The following TBC1D2B variants were observed in gnomAD, a reference collection of about 807,000 sequenced individuals.
TBC1D2B encodes TBC1 domain family member 2B.
TBC1D2B carries 64 observed loss-of-function variants against 100.8 expected under a neutral mutation model. The observed-to-expected ratio is 0.64, with a 90% confidence interval of 0.52 to 0.78. The LOEUF is 0.78. Ranked by LOEUF, TBC1D2B falls within the 30% of genes least tolerant of loss-of-function variation. The pLI is 0.00. For synonymous variants in TBC1D2B, 480 were observed against 479.7 expected, an observed-to-expected ratio of 1.00 and a Z score of -0.01; for missense variants, 1,052 against 1,218.4, an observed-to-expected ratio of 0.86 and a Z score of 2.03.
intron 4 of TBC1D2B, among the ~76,000 whole-genome samples, chr15:78,027,295 C>T (rs2072696165): frequency 6.6e-6 from 1 of 152,148 alleles, no homozygotes; most frequent in Admixed American, 6.5e-5. Context: ...GCATCGTCCT[C>T]CTTCTTGAAG....
intron 1 of TBC1D2B, among the ~76,000 whole-genome samples, chr15:78,062,970 G>A (rs575201058): frequency 1.3e-5 from 2 of 152,124 alleles, no homozygotes; most frequent in Admixed American, 1.3e-4. Context: ...TCTGGGCCTC[G>A]GATTCCTTGC....
intron 1 of TBC1D2B, among the ~76,000 whole-genome samples, chr15:78,060,474 C>A (rs1443912508): frequency 2.2e-4 from 29 of 134,748 alleles, no homozygotes; most frequent in African/African-American, 5.9e-4. Flanking sequence ...CACATCACTA[C>A]AAAAAAAAAA....
chr15:78,048,432 T>C (rs528372397), intron 2 of TBC1D2B, among the ~76,000 whole-genome samples: 154 of 152,334 alleles, frequency 1.0e-3, no homozygotes, highest in African/African-American at 3.6e-3. Flanking sequence ...AACTAGGACA[T>C]GGCAACATTT....
chr15:78,035,418 T>C (rs2072922109), intron 3 of TBC1D2B, among the ~76,000 whole-genome samples: 1 of 152,254 alleles, frequency 6.6e-6, no homozygotes, highest in African/African-American at 2.4e-5. Flanking sequence ...ACAAACCGCC[T>C]GCACAGCCAG....
rs753521405 is a variant in TBC1D2B at position 78,030,052 on chromosome 15, T to C, written c.802A>G (p.Ile268Val). The change falls in exon 4 of 13, where the codon ATA (isoleucine) becomes GTA (valine). Residue 268 changes from isoleucine to valine, a missense_variant. Physicochemically the swap from Ile to Val is conservative, Grantham distance 29. Around this residue, in one of 4 missense-constraint regions of TBC1D2B, gnomAD observed 627 missense variants for 646.1 expected, o/e 0.97. Coordinates refer to ENST00000300584, the MANE Select transcript of TBC1D2B (RefSeq NM_144572.2). ...DPTPKDLEES[I>V]VQEEKKKLTP... is the part of the protein sequence containing the mutation. ...AGCTTCTTCTTTTCTTCCTGTACTA[T>C]GGACTCCTCTAGGTCCTTAGGGGTT... 3 of 1,613,738 alleles carry C rather than the reference T, an allele frequency of 1.9e-6. No individual in the cohort carries two copies. The highest frequency in any genetic ancestry group is 1.7e-4 in the Middle Eastern group (1 of 6,052).
intron 3 of TBC1D2B, among the ~76,000 whole-genome samples, chr15:78,038,037 AC>A (rs958916835): frequency 5.3e-5 from 8 of 151,636 alleles, no homozygotes; most frequent in African/African-American, 1.7e-4. Flanking sequence ...GTGTGGGCAG[AC>A]CCCCCCACGA....
rs1273067092 is a variant in TBC1D2B at position 77,995,017 on chromosome 15, T to C, written c.*3143A>G. ...CAAATTAGTAGTTTATTTCTTCCTT[T>C]AGTATTACAGTTCCAAAACGTAACT... On this transcript the variant is annotated 3_prime_UTR_variant, in exon 13 of 13. Coordinates refer to ENST00000300584, the MANE Select transcript of TBC1D2B (RefSeq NM_144572.2). 6.6e-6 allele frequency: 1 copy of C among 152,276 alleles called. No homozygotes were observed. Among genetic ancestry groups the C allele is most frequent in the Non-Finnish European group, 1.5e-5 (1 of 68,056 alleles). The allele number at this position is 152,276 out of a possible 1,614,324, so 9.4% of individuals were successfully genotyped here.
At position 78,077,600 on chromosome 15, in the gene TBC1D2B, GCGCCCTCGCCGCCGCCGC is replaced by G; in HGVS notation, c.35_52del (p.Gly12_Gly17del). 1 of 1,117,162 alleles carries G rather than the reference GCGCCCTCGCCGCCGCCGC, an allele frequency of 9.0e-7. No homozygotes were observed. Among genetic ancestry groups the G allele is most frequent in the Middle Eastern group, 3.8e-4 (1 of 2,640 alleles). 69.2% of individuals were successfully genotyped at this position (1,117,162 alleles called of 1,614,324 possible). A position where few individuals can be genotyped will look rare whatever the true frequency, so the allele number is the denominator to read the frequency against. On this transcript the variant is annotated inframe_deletion, in exon 1 of 13. Coordinates refer to ENST00000300584, the MANE Select transcript of TBC1D2B (RefSeq NM_144572.2). Reference sequence around the variant, plus strand: ...GGGCTCCGCGGCCGCCCCCTGCGCCGCGCCCTCGCCGCCGCCGCCGCCCTCCTCCGCCCGGGCTCCGGC... The same window carrying G: ...GGGCTCCGCGGCCGCCCCCTGCGCCGCGCCCTCCTCCGCCCGGGCTCCGGC...
At chr15:77,998,461 C>T (rs2071823372) in intron 12 of TBC1D2B, 106 bp from the exon 13 acceptor site, 8 of 1,092,828 alleles carry the variant, frequency 7.3e-6, no homozygotes, top group Admixed American at 2.7e-5. Flanking sequence ...GTGGGAAGAG[C>T]GCTGGCCAGG....
chr15:78,019,903 G>T (rs12912112), intron 6 of TBC1D2B, among the ~76,000 whole-genome samples: 1 of 138,342 alleles, frequency 7.2e-6, no homozygotes, highest in Admixed American at 7.2e-5. Context: ...AAAAAAAAAG[G>T]GGGGGGGAGA....
intron 2 of TBC1D2B, chr15:78,053,731 T>G: frequency 3.7e-6 from 1 of 268,438 alleles, no homozygotes; most frequent in Non-Finnish European, 7.0e-6. Context: ...CATCATTAGG[T>G]GTAGTAGAAA....
chr15:78,023,805 T>C (rs544692014), intron 6 of TBC1D2B, among the ~76,000 whole-genome samples: 1 of 152,304 alleles, frequency 6.6e-6, no homozygotes, highest in African/African-American at 2.4e-5. Context: ...CAAATTAAGT[T>C]TGTGTGTGAT....
rs966739401 is a variant in TBC1D2B, at chr15:78,051,459, G to A, written c.514+2575C>T. ...TCTGACAACTAGTAAATATCCCCAA[G>A]ACTCACAGGCCCACAGGGCTTCTTC... On this transcript the variant is annotated intron_variant, in intron 2 of 12. Coordinates refer to ENST00000300584, the MANE Select transcript of TBC1D2B (RefSeq NM_144572.2). Among the ~76,000 whole-genome samples, 3 of 152,256 alleles carry A rather than the reference G, an allele frequency of 2.0e-5. No homozygotes were observed. The East Asian group carries it at 5.8e-4, about 29-fold the overall frequency.
intron 4 of TBC1D2B, among the ~76,000 whole-genome samples, chr15:78,026,164 T>A (rs950999248): frequency 1.3e-4 from 19 of 149,498 alleles, no homozygotes; most frequent in Non-Finnish European, 2.7e-4. Flanking sequence ...TTTTTTTTTT[T>A]AACATACAAA....
intron 3 of TBC1D2B, 131 bp from the exon 4 acceptor site, chr15:78,030,301 G>T: frequency 1.3e-6 from 1 of 787,042 alleles, no homozygotes; most frequent in Non-Finnish European, 1.9e-6. Flanking sequence ...GGAGAAATGG[G>T]GATTCCCTTT....
chr15:78,019,974 C>T (rs1479157723), intron 6 of TBC1D2B, among the ~76,000 whole-genome samples: 1 of 151,932 alleles, frequency 6.6e-6, no homozygotes, highest in Non-Finnish European at 1.5e-5. Context: ...ACTGCAGCCT[C>T]GAACTCCTGG....
At chr15:78,062,042 T>C (rs2073556995) in intron 1 of TBC1D2B, among the ~76,000 whole-genome samples, 1 of 152,138 alleles carries the variant, frequency 6.6e-6, no homozygotes, top group South Asian at 2.1e-4. Flanking sequence ...CAAAACACTC[T>C]GTCAAGACCG....
intron 4 of TBC1D2B, among the ~76,000 whole-genome samples, chr15:78,027,640 A>G (rs1313393992): frequency 6.6e-6 from 1 of 152,202 alleles, no homozygotes; most frequent in Non-Finnish European, 1.5e-5. Context: ...AACAGTCTCC[A>G]AGGTGCAGGG....
rs186320805 is a variant in TBC1D2B at position 78,004,680 on chromosome 15, T to C, written c.2389-1190A>G. On this transcript the variant is annotated intron_variant, in intron 10 of 12. Coordinates refer to ENST00000300584, the MANE Select transcript of TBC1D2B (RefSeq NM_144572.2). ...CTTTTAATTCTAATCAATTGGACAA[T>C]TGGATTTTATGGGAAAAAAATAAAA... Among the ~76,000 whole-genome samples the C allele has an allele frequency of 1.6e-3, 251 of 152,338 alleles. 1 individual carries two copies. Among genetic ancestry groups the C allele is most frequent in the Admixed American group, 2.4e-3 (37 of 15,308 alleles).
Sources: gnomAD v4.1 joint callset for allele counts (sites outside exome capture counted in the v4.1 genomes callset) on GRCh38, gnomAD v4.1.1 for gene constraint, gnomAD v4.1.1 regional missense constraint, MANE v1.5 for transcripts, NCBI Gene and HGNC (gene_info 2026-07-23, HGNC 2026-07-21) for gene names.